Variants in MTOR observed in about 807,000 individuals in gnomAD.
MTOR encodes mechanistic target of rapamycin kinase.
A neutral mutation model predicts 319.8 loss-of-function variants in MTOR; 70 were observed. That is an observed-to-expected ratio of 0.22 (90% confidence interval 0.18 to 0.27). MTOR has a LOEUF of 0.27. MTOR is among the 10% of genes least tolerant of loss of function. The probability of loss-of-function intolerance (pLI) is 1.00; values close to 1 mark genes in which losing one functional copy is unlikely to be tolerated. For synonymous variants in MTOR, 1,183 were observed against 1,211.4 expected, an observed-to-expected ratio of 0.98 and a Z score of 0.49; for missense variants, 1,890 against 3,274.4, an observed-to-expected ratio of 0.58 and a Z score of 10.32.
At chr1:11,209,494 C>T in intron 24 of MTOR, 36 bp from the exon 25 acceptor site, 1 of 1,608,964 alleles carries the variant, frequency 6.2e-7, no homozygotes, top group Non-Finnish European at 8.5e-7. Context: ...ACCTATAACT[C>T]TACTAGATGC....
intron 53 of MTOR, among the ~76,000 whole-genome samples, chr1:11,113,682 T>C (rs889317200): frequency 1.5e-4 from 23 of 152,150 alleles, no homozygotes; most frequent in African/African-American, 5.3e-4. Context: ...GGCATGATCA[T>C]AGCTCACTGT....
In MTOR at chr1:11,128,807, C is replaced by T; in HGVS notation, c.5811+48G>A. On this transcript the variant is annotated intron_variant, in intron 41 of 57. Transcript: ENST00000361445. This position sits in a 1 kb window ranked among gnomAD's most constrained non-coding sequence, Gnocchi z 5.3. ...CAGCATGCTTGTAAGAGGAGACACA[C>T]AGAAGAGAGACTTGGAGCCACCTTC... 6.7e-7 allele frequency: 1 copy of T among 1,482,462 alleles called. No individual in the cohort carries two copies. The highest frequency in any genetic ancestry group is 1.7e-5 in the Admixed American group (1 of 57,974). The allele number at this position is 1,482,462 out of a possible 1,614,324, so 91.8% of individuals were successfully genotyped here.
rs1257577614 is a variant in MTOR at position 11,121,053 on chromosome 1, A to T, written c.6933+193T>A. 6.6e-6 allele frequency among the ~76,000 whole-genome samples: 1 copy of T among 152,262 alleles called. No homozygotes were observed. Among genetic ancestry groups the T allele is most frequent in the Non-Finnish European group, 1.5e-5 (1 of 68,050 alleles). ...ATATATAAAGAGTTCTGGAGGAAAT[A>T]TTAAACTACTCATTCTAACTCTGTG... On this transcript the variant is annotated intron_variant, in intron 49 of 57. Coordinates refer to ENST00000361445, the MANE Select transcript of MTOR (RefSeq NM_004958.4). The surrounding 1 kb of genome is among the most constrained non-coding windows in gnomAD (Gnocchi z 4.9).
chr1:11,256,299 G>A (rs969046105), intron 4 of MTOR, 107 bp from the exon 5 acceptor site: 1 of 1,473,806 alleles, frequency 6.8e-7, no homozygotes, highest in African/African-American at 1.4e-5. Context: ...AACAGAGAAG[G>A]CTTGCTCACT....
chr1:11,145,071 T>G (rs1419422960), intron 32 of MTOR, 26 bp from the exon 33 acceptor site: 4 of 1,608,686 alleles, frequency 2.5e-6, no homozygotes, highest in Admixed American at 1.7e-5. Flanking sequence ...CCCTTGGGAC[T>G]GAGCTCTGGA....
At chr1:11,224,438 T>G (rs930336238) in intron 19 of MTOR, among the ~76,000 whole-genome samples, 1 of 152,292 alleles carries the variant, frequency 6.6e-6, no homozygotes, top group East Asian at 1.9e-4. Context: ...AAAACAAGAT[T>G]GACTAAACTA....
At chr1:11,130,986 T>C (rs1401340907) in intron 38 of MTOR, 2 of 638,428 alleles carry the variant, frequency 3.1e-6, no homozygotes, top group African/African-American at 3.7e-5. Context: ...TATAACGTAC[T>C]ATGAGTGCAC....
At position 11,124,587 on chromosome 1, in the gene MTOR, A is replaced by G; in HGVS notation, c.6573T>C (p.Asp2191=). 1 of 1,612,542 alleles carries G rather than the reference A, an allele frequency of 6.2e-7. No individual in the cohort carries two copies. Among genetic ancestry groups the G allele is most frequent in the Non-Finnish European group, 8.5e-7 (1 of 1,178,648 alleles). ...GCATCACACGCTCATCCTGGCGCAG[A>G]TCTTCATGGCCTTTTAGAAGGAAAA... is the stretch of plus-strand genomic sequence containing the variant. ...EFVFLLKGHE[D]LRQDERVMQL... Residue 2191 remains aspartate (D), a synonymous_variant, in exon 47 of 58, where the codon GAT becomes GAC. Transcript: ENST00000361445.
At chr1:11,130,970 T>G in intron 38 of MTOR, 193 bp from the exon 39 acceptor site, 1 of 682,698 alleles carries the variant, frequency 1.5e-6, no homozygotes, top group Non-Finnish European at 2.4e-6. Context: ...TGTGGAGCAC[T>G]AACTATATAA....
At chr1:11,189,467 C>G in intron 28 of MTOR, 2 of 1,255,514 alleles carry the variant, frequency 1.6e-6, no homozygotes, top group South Asian at 1.5e-5. Flanking sequence ...AGTGGCGAGG[C>G]CCTCAGAGTG....
rs372421944 is a variant in MTOR at position 11,134,478 on chromosome 1, C to T, written c.5131-12G>A. On this transcript the variant is annotated splice_polypyrimidine_tract_variant and intron_variant, in intron 36 of 57. Transcript: ENST00000361445. Reference sequence around the variant, plus strand: ...TGGAAGGCATCGATCTGTAACAGGACAAAGGCACAGAGAGCCACTTGGCTT... The same window carrying T: ...TGGAAGGCATCGATCTGTAACAGGATAAAGGCACAGAGAGCCACTTGGCTT... 1.6e-4 allele frequency: 258 copies of T among 1,613,242 alleles called. No homozygotes were observed. Among genetic ancestry groups the T allele is most frequent in the Non-Finnish European group, 2.1e-4 (245 of 1,179,426 alleles).
At chr1:11,187,315 G>A (rs1645351774) in intron 28 of MTOR, among the ~76,000 whole-genome samples, 1 of 143,864 alleles carries the variant, frequency 7.0e-6, no homozygotes, top group African/African-American at 2.6e-5. Flanking sequence ...TTTTTCTATG[G>A]ACCAGGGTGG....
At chr1:11,224,499 A>G (rs934593465) in intron 19 of MTOR, among the ~76,000 whole-genome samples, 4 of 152,206 alleles carry the variant, frequency 2.6e-5, no homozygotes, top group African/African-American at 9.6e-5. Context: ...CACTTCTCTC[A>G]GTATTGATAG....
rs1358879532 is a variant in MTOR, at chr1:11,241,600, C to T, written c.1494G>A (p.Gln498=). 1 of 1,614,066 alleles carries T rather than the reference C, an allele frequency of 6.2e-7. No homozygotes were observed. The highest frequency in any genetic ancestry group is 8.5e-7 in the Non-Finnish European group (1 of 1,179,946). Residue 498 remains glutamine (Q), a synonymous_variant, in exon 10 of 58, where the codon CAG becomes CAA. Transcript: ENST00000361445. ...MLARAMGPGI[Q]QDIKELLEPM... ...GCTCCAGCAGCTCCTTGATATCCTG[C>T]TGGATGCCTGGCCCCATTGCTCGAG... is the stretch of plus-strand genomic sequence containing the variant.
intron 34 of MTOR, among the ~76,000 whole-genome samples, chr1:11,142,577 G>A (rs1328340737): frequency 1.3e-5 from 2 of 152,296 alleles, no homozygotes; most frequent in Admixed American, 1.3e-4. Flanking sequence ...GATTACAGGT[G>A]TGAGCCACCA....
intron 34 of MTOR, among the ~76,000 whole-genome samples, chr1:11,140,397 AG>A (rs1643639713): frequency 2.0e-5 from 3 of 152,292 alleles, no homozygotes; most frequent in Admixed American, 2.0e-4. Flanking sequence ...TTGCATGCGC[AG>A]TTCATAATAC....
intron 19 of MTOR, among the ~76,000 whole-genome samples, chr1:11,223,825 T>G (rs1311386654): frequency 1.3e-5 from 2 of 151,878 alleles, no homozygotes; most frequent in African/African-American, 4.8e-5. Context: ...GGATCACTTG[T>G]GGTCAGGAGT....
chr1:11,121,375 C>A lies in MTOR; in HGVS notation c.6811-7G>T. On this transcript the variant is annotated splice_polypyrimidine_tract_variant and splice_region_variant and intron_variant, in intron 48 of 57. Coordinates refer to ENST00000361445, the MANE Select transcript of MTOR (RefSeq NM_004958.4). The surrounding 1 kb of genome is among the most constrained non-coding windows in gnomAD (Gnocchi z 4.9). ...GGTCATAGTCCGGAGCCATCTGCAT[C>A]AGGACACAACTGTTCAGTAAGAGAG... is the stretch of plus-strand genomic sequence containing the variant. 1 of 1,613,970 alleles carries A rather than the reference C, an allele frequency of 6.2e-7. No individual in the cohort carries two copies. The highest frequency in any genetic ancestry group is 8.5e-7 in the Non-Finnish European group (1 of 1,180,002).
Position 11,107,222 on chromosome 1 carries a change from A to G in MTOR, c.*263T>C, listed in dbSNP as rs1641621618. 8 of 1,406,502 alleles carry G rather than the reference A, an allele frequency of 5.7e-6. No homozygotes were observed. The South Asian group carries it at 1.0e-4, about 18-fold the overall frequency. The allele number at this position is 1,406,502 out of a possible 1,614,324, so 87.1% of individuals were successfully genotyped here. A position where few individuals can be genotyped will look rare whatever the true frequency, so the allele number is the denominator to read the frequency against. ...AAGTTATGGATCTTCTGTTCCCCAA[A>G]ATGAATGGCTTGATTTACGTGGTAT... On this transcript the variant is annotated 3_prime_UTR_variant, in exon 58 of 58. Coordinates refer to ENST00000361445, the MANE Select transcript of MTOR (RefSeq NM_004958.4).
Sources: allele counts gnomAD v4.1 joint callset (sites outside exome capture counted in the v4.1 genomes callset), GRCh38; gene constraint gnomAD v4.1.1; non-coding constraint Gnocchi (gnomAD v3.1); transcripts MANE v1.5; gene names NCBI Gene and HGNC (gene_info 2026-07-23, HGNC 2026-07-21).